TSPAN18: variants seen among roughly 807,000 people sequenced by gnomAD.
TSPAN18 encodes tetraspanin 18.
Under a neutral mutation model 27.3 loss-of-function variants are expected in TSPAN18, and 14 were observed. That is an observed-to-expected ratio of 0.51 (90% CI 0.34 to 0.80). The LOEUF is 0.80. Among genes scored for constraint, TSPAN18 ranks in the 30% least tolerant of loss-of-function variants. TSPAN18 has a pLI of 0.01. For synonymous variants in TSPAN18, 143 were observed against 136.5 expected (o/e 1.05, Z -0.33); for missense variants, 268 against 323.9 (o/e 0.83, Z 1.32).
At chr11:44,919,714 G>A (rs972196654) in intron 7 of TSPAN18, 103 bp from the exon 8 acceptor site, 3 of 1,212,978 alleles carry the variant, frequency 2.5e-6, no homozygotes, top group Non-Finnish European at 3.6e-6. Flanking sequence ...CCCACACCCA[G>A]TCTTCTGATG....
At chr11:44,783,067 A>G (rs1855976028) in intron 2 of TSPAN18, among the ~76,000 whole-genome samples, 1 of 152,008 alleles carries the variant, frequency 6.6e-6, no homozygotes, top group South Asian at 2.1e-4. Flanking sequence ...GGCTCCAGTG[A>G]TCCGCTTGCC....
intron 3 of TSPAN18, among the ~76,000 whole-genome samples, chr11:44,865,478 A>T (rs1187671935): frequency 6.6e-6 from 1 of 152,198 alleles, no homozygotes. Flanking sequence ...TTTCCAGACT[A>T]CTTTGCATTT....
intron 2 of TSPAN18, among the ~76,000 whole-genome samples, chr11:44,787,487 G>A (rs1262735913): frequency 5.3e-5 from 8 of 152,178 alleles, no homozygotes; most frequent in Non-Finnish European, 7.3e-5. Flanking sequence ...TGCTGGCTGT[G>A]CAGGTTGATT....
At chr11:44,903,057 G>GAT (rs1565200035) in intron 3 of TSPAN18, among the ~76,000 whole-genome samples, 136 of 152,194 alleles carry the variant, frequency 8.9e-4, no homozygotes, top group African/African-American at 3.2e-3. Context: ...GCACAGCCAC[G>GAT]ACTCTGCTCC....
At chr11:44,737,698 T>C (rs941582641) in intron 1 of TSPAN18, among the ~76,000 whole-genome samples, 2 of 152,146 alleles carry the variant, frequency 1.3e-5, no homozygotes, top group African/African-American at 2.4e-5. Flanking sequence ...TTCTCTGTTG[T>C]GTTCAAAAGG....
chr11:44,864,840 G>A (rs1452093398), intron 3 of TSPAN18, among the ~76,000 whole-genome samples: 1 of 152,224 alleles, frequency 6.6e-6, no homozygotes, highest in African/African-American at 2.4e-5. Flanking sequence ...GCCTGTACAT[G>A]GAAGGTGCTG....
At chr11:44,899,367 C>A (rs1368952989) in intron 3 of TSPAN18, among the ~76,000 whole-genome samples, 1 of 152,234 alleles carries the variant, frequency 6.6e-6, no homozygotes, top group Non-Finnish European at 1.5e-5. Flanking sequence ...CTTGAGTCAG[C>A]CCATGGTGAG....
chr11:44,806,124 T>C, intron 2 of TSPAN18, among the ~76,000 whole-genome samples: 1 of 144,714 alleles, frequency 6.9e-6, no homozygotes, highest in Admixed American at 7.3e-5. Context: ...AACCTCCGCC[T>C]CCCGGGTTCA....
intron 1 of TSPAN18, among the ~76,000 whole-genome samples, chr11:44,743,174 C>T (rs566623505): frequency 6.6e-6 from 1 of 152,298 alleles, no homozygotes; most frequent in South Asian, 2.1e-4. Context: ...GCCGGTGATG[C>T]ATCTGGGCAC....
intron 1 of TSPAN18, among the ~76,000 whole-genome samples, chr11:44,735,633 T>C (rs1004946965): frequency 2.0e-5 from 3 of 151,800 alleles, no homozygotes; most frequent in Non-Finnish European, 4.4e-5. Context: ...TTTTTTTTTT[T>C]TTTTAGGCGG....
intron 2 of TSPAN18, among the ~76,000 whole-genome samples, chr11:44,805,671 A>G (rs1249797701): frequency 6.6e-6 from 1 of 152,204 alleles, no homozygotes; most frequent in Non-Finnish European, 1.5e-5. Flanking sequence ...GCTCAAAACA[A>G]AAGATGTAAT....
chr11:44,825,064 T>G (rs1192908345), intron 2 of TSPAN18, among the ~76,000 whole-genome samples: 1 of 152,110 alleles, frequency 6.6e-6, no homozygotes, highest in Non-Finnish European at 1.5e-5. Context: ...ACCTTCCTTT[T>G]ATAGGGTGCT....
intron 2 of TSPAN18, among the ~76,000 whole-genome samples, chr11:44,779,516 G>C (rs923190355): frequency 2.0e-5 from 3 of 152,090 alleles, no homozygotes; most frequent in African/African-American, 7.2e-5. Flanking sequence ...TAGAGTTGTG[G>C]GTGAAATTCA....
At chr11:44,877,651 C>T (rs1858373876) in intron 3 of TSPAN18, among the ~76,000 whole-genome samples, 1 of 152,112 alleles carries the variant, frequency 6.6e-6, no homozygotes, top group African/African-American at 2.4e-5. Flanking sequence ...GTTATGGTGA[C>T]CACCTGAGCC....
chr11:44,745,392 A>G (rs1394234316), intron 1 of TSPAN18, among the ~76,000 whole-genome samples: 1 of 152,228 alleles, frequency 6.6e-6, no homozygotes, highest in African/African-American at 2.4e-5. Flanking sequence ...TGAGGCTCTA[A>G]TGAGCTCACA....
At chr11:44,731,802 T>G (rs1854668527) in intron 1 of TSPAN18, among the ~76,000 whole-genome samples, 1 of 152,166 alleles carries the variant, frequency 6.6e-6, no homozygotes, top group Non-Finnish European at 1.5e-5. Flanking sequence ...CAATTTGACG[T>G]CACTGACAAT....
chr11:44,744,702 C>T (rs911305563), intron 1 of TSPAN18, among the ~76,000 whole-genome samples: 1 of 152,120 alleles, frequency 6.6e-6, no homozygotes, highest in Non-Finnish European at 1.5e-5. Flanking sequence ...TCAAATAAGC[C>T]GAAGAATGGG....
chr11:44,830,099 T>C lies in TSPAN18; in HGVS notation c.-152-30229T>C, dbSNP rs572534618. On this transcript the variant is annotated intron_variant, in intron 2 of 9. Coordinates refer to ENST00000520358, the MANE Select transcript of TSPAN18 (RefSeq NM_130783.5). ...CCTAGCCCACTCCACACCATCCACATAGGCCTCATTTCAGTTCCTAGAACC... is the reference window on the plus strand; with the variant it reads ...CCTAGCCCACTCCACACCATCCACACAGGCCTCATTTCAGTTCCTAGAACC... Among the ~76,000 whole-genome samples the C allele has an allele frequency of 1.5e-3, 221 of 152,252 alleles. 1 individual carries two copies. Among genetic ancestry groups the C allele is most frequent in the African/African-American group, 5.1e-3 (213 of 41,566 alleles).
At chr11:44,823,403 C>T (rs1049894465) in intron 2 of TSPAN18, among the ~76,000 whole-genome samples, 9 of 152,266 alleles carry the variant, frequency 5.9e-5, no homozygotes, top group Admixed American at 1.3e-4. Context: ...CCCCCGAAGT[C>T]GGGTGGTTTC....
Sources: allele counts gnomAD v4.1 joint callset (sites outside exome capture counted in the v4.1 genomes callset), GRCh38; gene constraint gnomAD v4.1.1; transcripts MANE v1.5; gene names NCBI Gene and HGNC (gene_info 2026-07-23, HGNC 2026-07-21).